The following ANKS1B variants were observed in gnomAD, a reference collection of about 807,000 sequenced individuals.
ANKS1B encodes the protein ankyrin repeat and sterile alpha motif domain containing 1B, also known as ankyrin repeat and sterile alpha motif domain-containing protein 1B.
A neutral mutation model predicts 148.3 loss-of-function variants in ANKS1B; 36 were observed. The observed-to-expected ratio is 0.24, with a 90% CI of 0.19 to 0.32. The LOEUF (loss-of-function observed/expected upper bound fraction) is 0.32. Among genes scored for constraint, ANKS1B ranks in the 10% least tolerant of loss-of-function variants. ANKS1B has a pLI of 1.00. For synonymous variants in ANKS1B, 542 were observed against 560.8 expected, an observed-to-expected ratio of 0.97 and a Z score of 0.47; for missense variants, 1,157 against 1,542.6, an observed-to-expected ratio of 0.75 and a Z score of 4.19.
At chr12:98,840,253 C>T (rs1033910877) in intron 17 of ANKS1B, among the ~76,000 whole-genome samples, 1 of 152,186 alleles carries the variant, frequency 6.6e-6, no homozygotes, top group African/African-American at 2.4e-5. Context: ...TTCCTTACAT[C>T]CCACCATCTG....
intron 14 of ANKS1B, among the ~76,000 whole-genome samples, chr12:99,174,139 C>T (rs942869961): frequency 3.2e-4 from 48 of 152,140 alleles, no homozygotes; most frequent in African/African-American, 1.1e-3. Context: ...TGTTGAGGCC[C>T]GTGCCAAGGA....
At chr12:99,187,343 T>G (rs960708220) in intron 14 of ANKS1B, among the ~76,000 whole-genome samples, 1 of 151,794 alleles carries the variant, frequency 6.6e-6, no homozygotes, top group Non-Finnish European at 1.5e-5. Context: ...GAGAACACCA[T>G]GAAGGTACTC....
chr12:98,894,329 C>A (rs1473214778), intron 17 of ANKS1B, among the ~76,000 whole-genome samples: 1 of 151,926 alleles, frequency 6.6e-6, no homozygotes, highest in Non-Finnish European at 1.5e-5. Flanking sequence ...AGCAATTTAC[C>A]TCCTCAAACT....
intron 9 of ANKS1B, among the ~76,000 whole-genome samples, chr12:99,510,463 G>A (rs1444626464): frequency 6.6e-6 from 1 of 151,972 alleles, no homozygotes; most frequent in Non-Finnish European, 1.5e-5. Flanking sequence ...TGATAGGTTT[G>A]ACTTTGGTGG....
intron 17 of ANKS1B, among the ~76,000 whole-genome samples, chr12:98,940,426 T>C (rs2099834865): frequency 6.6e-6 from 1 of 152,282 alleles, no homozygotes; most frequent in Non-Finnish European, 1.5e-5. Flanking sequence ...ATCTCTAACC[T>C]AGGCATCTAG....
intron 20 of ANKS1B, among the ~76,000 whole-genome samples, chr12:98,807,016 A>G (rs1331742110): frequency 6.6e-6 from 1 of 152,194 alleles, no homozygotes; most frequent in Non-Finnish European, 1.5e-5. Flanking sequence ...TGCCGCCCCA[A>G]GAATCTGCTC....
At chr12:99,473,975 A>G (rs961832049) in intron 10 of ANKS1B, among the ~76,000 whole-genome samples, 1 of 152,058 alleles carries the variant, frequency 6.6e-6, no homozygotes. Flanking sequence ...TAAGATGTCC[A>G]TGTGGATTAC....
chr12:99,515,488 T>C (rs916618344), intron 9 of ANKS1B, among the ~76,000 whole-genome samples: 36 of 152,160 alleles, frequency 2.4e-4, no homozygotes, highest in African/African-American at 8.4e-4. Context: ...TCTATCCATG[T>C]TGTTGCAAAT....
chr12:99,352,867 A>G (rs1345564819), intron 12 of ANKS1B, among the ~76,000 whole-genome samples: 4 of 152,092 alleles, frequency 2.6e-5, no homozygotes, highest in Non-Finnish European at 4.4e-5. Context: ...TAAGTAGTCG[A>G]GTTATAGAGT....
At chr12:99,430,538 T>C (rs2095351972) in intron 11 of ANKS1B, among the ~76,000 whole-genome samples, 1 of 152,222 alleles carries the variant, frequency 6.6e-6, no homozygotes, top group African/African-American at 2.4e-5. Flanking sequence ...TGAACTTCTA[T>C]TCTCTGGCTT....
intron 19 of ANKS1B, among the ~76,000 whole-genome samples, chr12:98,811,580 A>AG (rs1389860581): frequency 6.6e-6 from 1 of 152,134 alleles, no homozygotes; most frequent in Non-Finnish European, 1.5e-5. Flanking sequence ...CCTTCTCACC[A>AG]GGATTGGAGA....
intron 11 of ANKS1B, among the ~76,000 whole-genome samples, chr12:99,423,934 C>T (rs1362279981): frequency 6.6e-6 from 1 of 151,942 alleles, no homozygotes; most frequent in East Asian, 1.9e-4. Context: ...ACCCCCCCAC[C>T]CCGACACAAG....
chr12:99,457,749 C>T (rs1198853064), intron 10 of ANKS1B, among the ~76,000 whole-genome samples: 1 of 152,044 alleles, frequency 6.6e-6, no homozygotes, highest in Non-Finnish European at 1.5e-5. Flanking sequence ...TATACATGCA[C>T]CTAACACTGG....
At chr12:99,310,465 G>A (rs184831828) in intron 12 of ANKS1B, among the ~76,000 whole-genome samples, 1 of 152,256 alleles carries the variant, frequency 6.6e-6, no homozygotes, top group Non-Finnish European at 1.5e-5. Flanking sequence ...CTGAAGTCCT[G>A]AATAGAACAA....
rs10710183 is a variant in ANKS1B, at chr12:99,151,527, CAA to C, written c.2526+2760_2526+2761del. On this transcript the variant is annotated intron_variant, in intron 15 of 26. Coordinates refer to ENST00000683438, the MANE Select transcript of ANKS1B (RefSeq NM_001352186.2). Reference sequence around the variant, plus strand: ...TGGGTAACAAAGTGAGACTCCCACTCAAAAAAAAAAAAAACCAAAAACAAAAA... The same window carrying C: ...TGGGTAACAAAGTGAGACTCCCACTCAAAAAAAAAAAACCAAAAACAAAAA... 2.7e-3 allele frequency among the ~76,000 whole-genome samples: 364 copies of C among 135,688 alleles called. 1 individual carries two copies. The highest frequency in any genetic ancestry group is 7.4e-3 in the African/African-American group (281 of 38,228). 89.0% of individuals were successfully genotyped at this position (135,688 alleles called of 152,430 possible).
At chr12:99,214,922 C>T (rs2083919991) in intron 14 of ANKS1B, among the ~76,000 whole-genome samples, 1 of 152,176 alleles carries the variant, frequency 6.6e-6, no homozygotes, top group Non-Finnish European at 1.5e-5. Context: ...CCTTGCTATG[C>T]TTTAGCAAAG....
At chr12:99,017,495 G>A (rs994721125) in intron 17 of ANKS1B, among the ~76,000 whole-genome samples, 9 of 151,988 alleles carry the variant, frequency 5.9e-5, no homozygotes, top group Non-Finnish European at 1.3e-4. Context: ...TGTATTTTGT[G>A]GGGGATGTTT....
At chr12:99,601,095 T>C (rs1396790425) in intron 9 of ANKS1B, among the ~76,000 whole-genome samples, 1 of 152,094 alleles carries the variant, frequency 6.6e-6, no homozygotes, top group East Asian at 1.9e-4. Context: ...TTGCATATAT[T>C]TGCTTTCTGT....
intron 19 of ANKS1B, among the ~76,000 whole-genome samples, chr12:98,820,201 C>T (rs1484359933): frequency 1.3e-5 from 2 of 152,230 alleles, no homozygotes; most frequent in African/African-American, 4.8e-5. Context: ...TTCATCAACA[C>T]TGTGGTTCAC....
Sources: gnomAD v4.1 joint callset for allele counts (sites outside exome capture counted in the v4.1 genomes callset) on GRCh38, gnomAD v4.1.1 for gene constraint, MANE v1.5 for transcripts, NCBI Gene and HGNC (gene_info 2026-07-23, HGNC 2026-07-21) for gene names.